The following RHOBTB1 variants were observed in gnomAD, a reference collection of about 807,000 sequenced individuals.
RHOBTB1 encodes Rho related BTB domain containing 1.
In RHOBTB1, 40 loss-of-function variants were observed where a neutral mutation model predicts 71.6. The ratio of observed to expected loss-of-function variants is 0.56; its 90% CI spans 0.43 to 0.73. The LOEUF (loss-of-function observed/expected upper bound fraction) is 0.73, where lower values mean the gene tolerates loss of function less well. Among genes scored for constraint, RHOBTB1 ranks in the 30% least tolerant of loss-of-function variants. RHOBTB1 has a pLI of 0.00. For missense variants in RHOBTB1, 797 were observed against 894.0 expected (o/e 0.89, Z 1.38); for synonymous variants, 319 against 334.9 (o/e 0.95, Z 0.52).
intron 2 of RHOBTB1, among the ~76,000 whole-genome samples, chr10:60,964,889 T>C (rs1044960706): frequency 9.2e-5 from 14 of 152,160 alleles, no homozygotes; most frequent in African/African-American, 3.4e-4. Flanking sequence ...AGGGATAATA[T>C]CTAATGTAAT....
At chr10:60,946,646 C>T (rs2085247826), upstream of RHOBTB1, among the ~76,000 whole-genome samples, 2 of 152,132 alleles carry the variant, frequency 1.3e-5, no homozygotes, top group Non-Finnish European at 2.9e-5. Flanking sequence ...CCTGCTTTTC[C>T]TCAGTTTCTT....
rs780388277 is a variant in RHOBTB1 at position 60,888,645 on chromosome 10, A to G, written c.1023T>C (p.Pro341=). 5.0e-6 allele frequency: 8 copies of G among 1,614,194 alleles called. No individual in the cohort carries two copies. Among genetic ancestry groups the G allele is most frequent in the South Asian group, 2.2e-5 (2 of 91,086 alleles). ...EEREEGPPRI[P]QADQWKSSNK... is the part of the protein sequence containing the mutation. The stretch of plus-strand genomic sequence containing the variant: ...TTGAAGACTTCCACTGGTCGGCCTG[A>G]GGAATCCTAGGCGGGCCCTCCTCCC... The change falls in exon 6 of 11, where the codon CCT becomes CCC. Residue 341 remains proline (P), a synonymous_variant. Transcript: ENST00000337910.
chr10:60,986,431 A>ATATATATATAT (rs1554860002), intron 1 of RHOBTB1, among the ~76,000 whole-genome samples: 1,678 of 134,348 alleles, frequency 0.012, 33 homozygotes, highest in African/African-American at 0.027. Flanking sequence ...ATATATATAT[A>ATATATATATAT]AAATATATAT....
chr10:60,861,714 T>C, the RHOBTB1 span, among the ~76,000 whole-genome samples: 4 of 152,126 alleles, frequency 2.6e-5, no homozygotes. Context: ...AAGATTACTA[T>C]TACATATAGA....
chr10:60,920,204 CAGGCCTAT>C (rs2083478829), intron 2 of RHOBTB1, among the ~76,000 whole-genome samples: 1 of 152,146 alleles, frequency 6.6e-6, no homozygotes, highest in Non-Finnish European at 1.5e-5. Flanking sequence ...GAATGAGTGC[CAGGCCTAT>C]AGGTGTACAG....
In RHOBTB1 at chr10:60,925,117, C is replaced by T. The variant is rs191945994; in HGVS notation, c.-10-13565G>A. 3.4e-3 allele frequency among the ~76,000 whole-genome samples: 511 copies of T among 152,272 alleles called. 1 individual carries two copies. The highest frequency in any genetic ancestry group is 0.017 in the Middle Eastern group (5 of 294). On this transcript the variant is annotated intron_variant, in intron 2 of 10. Coordinates refer to ENST00000337910, the MANE Select transcript of RHOBTB1 (RefSeq NM_014836.5). ...CATGCTCTCTCTCCCTATTGCTCCTCCTCTGGCCATGTGACATTCCTGCTC... is the reference window on the plus strand; with the variant it reads ...CATGCTCTCTCTCCCTATTGCTCCTTCTCTGGCCATGTGACATTCCTGCTC...
At chr10:60,995,474 A>G (rs754192542) in intron 1 of RHOBTB1, among the ~76,000 whole-genome samples, 1 of 152,198 alleles carries the variant, frequency 6.6e-6, no homozygotes, top group Non-Finnish European at 1.5e-5. Flanking sequence ...TTTGCAAATT[A>G]TCTCTGATAA....
intron 4 of RHOBTB1, among the ~76,000 whole-genome samples, chr10:60,906,369 A>C (rs927974575): frequency 6.6e-6 from 1 of 152,272 alleles, no homozygotes; most frequent in East Asian, 1.9e-4. Context: ...CTGGAATATC[A>C]GAGCTCGTAA....
At chr10:60,968,175 A>G (rs1171490561) in intron 2 of RHOBTB1, among the ~76,000 whole-genome samples, 1 of 152,142 alleles carries the variant, frequency 6.6e-6, no homozygotes, top group African/African-American at 2.4e-5. Flanking sequence ...CCTCTACAGG[A>G]AAACTGGTGC....
chr10:60,867,082 C>T (rs2080638273), downstream of RHOBTB1, among the ~76,000 whole-genome samples: 1 of 152,156 alleles, frequency 6.6e-6, no homozygotes, highest in African/African-American at 2.4e-5. Flanking sequence ...GGGTGCCTTA[C>T]CTAAGTCATC....
chr10:60,907,772 T>C (rs1326005452), intron 4 of RHOBTB1, among the ~76,000 whole-genome samples: 1 of 152,174 alleles, frequency 6.6e-6, no homozygotes, highest in African/African-American at 2.4e-5. Flanking sequence ...GAAATCCAGC[T>C]CACCAATGTA....
chr10:60,957,655 A>C (rs1274741906), intron 2 of RHOBTB1, among the ~76,000 whole-genome samples: 1 of 152,202 alleles, frequency 6.6e-6, no homozygotes, highest in African/African-American at 2.4e-5. Flanking sequence ...CAAGTGAGTA[A>C]GTAGTGGTAA....
At chr10:60,968,018 A>G (rs1269522889) in intron 2 of RHOBTB1, among the ~76,000 whole-genome samples, 2 of 152,102 alleles carry the variant, frequency 1.3e-5, no homozygotes, top group African/African-American at 4.8e-5. Flanking sequence ...GAGGGACTGC[A>G]GTCCTAGGAC....
At chr10:60,994,102 C>T (rs536607717) in intron 1 of RHOBTB1, among the ~76,000 whole-genome samples, 1 of 151,964 alleles carries the variant, frequency 6.6e-6, no homozygotes, top group Non-Finnish European at 1.5e-5. Context: ...GTTAGGATAA[C>T]ACTAAAAAAC....
intron 2 of RHOBTB1, among the ~76,000 whole-genome samples, chr10:60,918,601 T>C (rs926223689): frequency 6.6e-6 from 1 of 152,120 alleles, no homozygotes; most frequent in African/African-American, 2.4e-5. Context: ...GAAATTAAGA[T>C]GAGTGGGTAG....
intron 4 of RHOBTB1, among the ~76,000 whole-genome samples, chr10:60,908,501 A>G (rs1038140271): frequency 6.6e-6 from 1 of 152,206 alleles, no homozygotes; most frequent in South Asian, 2.1e-4. Flanking sequence ...TTGCAAAAAC[A>G]AAAAAGGTTT....
At chr10:60,966,716 C>T (rs1458417992) in intron 2 of RHOBTB1, among the ~76,000 whole-genome samples, 3 of 148,464 alleles carry the variant, frequency 2.0e-5, no homozygotes, top group Non-Finnish European at 4.5e-5. Context: ...ACTTTAAGTT[C>T]TAGGGTACAT....
intron 2 of RHOBTB1, among the ~76,000 whole-genome samples, chr10:60,972,536 G>C (rs927474921): frequency 4.6e-5 from 7 of 152,022 alleles, no homozygotes; most frequent in African/African-American, 1.2e-4. Context: ...GGCCTGTCGG[G>C]GCATGGGGGG....
chr10:60,978,150 T>C (rs948162285), intron 2 of RHOBTB1, among the ~76,000 whole-genome samples: 2 of 152,194 alleles, frequency 1.3e-5, no homozygotes, highest in Admixed American at 6.6e-5. Flanking sequence ...GCATTAAATA[T>C]ATATTTTTGC....
Sources: gnomAD v4.1 joint callset for allele counts (sites outside exome capture counted in the v4.1 genomes callset) on GRCh38, gnomAD v4.1.1 for gene constraint, MANE v1.5 for transcripts, NCBI Gene and HGNC (gene_info 2026-07-23, HGNC 2026-07-21) for gene names.